NTM: variants seen among roughly 807,000 people sequenced by gnomAD.
NTM encodes IgLON family member 2.
Under a neutral mutation model 42.1 loss-of-function variants are expected in NTM, and 13 were observed. The ratio of observed to expected loss-of-function variants is 0.31; its 90% CI spans 0.20 to 0.49. The LOEUF is 0.49. NTM is among the 20% of genes least tolerant of loss of function. NTM has a pLI of 0.99. For missense variants in NTM, 373 were observed against 452.8 expected, an observed-to-expected ratio of 0.82 and a Z score of 1.60; for synonymous variants, 187 against 179.2, an observed-to-expected ratio of 1.04 and a Z score of -0.35.
chr11:131,602,279 A>T (rs895650860), intron 1 of NTM, among the ~76,000 whole-genome samples: 1 of 152,060 alleles, frequency 6.6e-6, no homozygotes, highest in Non-Finnish European at 1.5e-5. Flanking sequence ...CATTTTCTTG[A>T]TTCAACTATT....
chr11:131,702,564 G>A (rs1251974704), intron 1 of NTM, among the ~76,000 whole-genome samples: 1 of 152,166 alleles, frequency 6.6e-6, no homozygotes, highest in Non-Finnish European at 1.5e-5. Flanking sequence ...ATGGAGAGGT[G>A]CATCATGGGA....
chr11:132,329,499 C>T (rs756510482), intron 7 of NTM, among the ~76,000 whole-genome samples: 20 of 152,162 alleles, frequency 1.3e-4, no homozygotes, highest in Non-Finnish European at 2.1e-4. Context: ...GGGTCAGAGC[C>T]GCAGGCTGCC....
chr11:131,840,386 C>T (rs1181380149), intron 1 of NTM, among the ~76,000 whole-genome samples: 1 of 152,108 alleles, frequency 6.6e-6, no homozygotes, highest in African/African-American at 2.4e-5. Context: ...GAGGAAGGCA[C>T]ATCATGGAAG....
At chr11:132,118,395 A>C (rs2064207821) in intron 2 of NTM, among the ~76,000 whole-genome samples, 1 of 152,228 alleles carries the variant, frequency 6.6e-6, no homozygotes, top group African/African-American at 2.4e-5. Flanking sequence ...GGCTGAGAAA[A>C]AGCTGGGACT....
intron 2 of NTM, among the ~76,000 whole-genome samples, chr11:132,035,056 T>C (rs1488568537): frequency 2.0e-5 from 3 of 152,234 alleles, no homozygotes; most frequent in South Asian, 4.1e-4. Context: ...TAATCTGTTT[T>C]GCTGTTGTTT....
intron 4 of NTM, among the ~76,000 whole-genome samples, chr11:132,223,720 T>G (rs573251015): frequency 1.3e-5 from 2 of 152,336 alleles, no homozygotes; most frequent in East Asian, 3.9e-4. Flanking sequence ...AACATGAGTT[T>G]ATAGTTTGAG....
Position 131,674,265 on chromosome 11 carries a change from T to A in NTM, c.83-237299T>A, listed in dbSNP as rs188873498. Among the ~76,000 whole-genome samples the A allele has an allele frequency of 5.3e-3, 811 of 152,364 alleles. 8 individuals carry two copies. The highest frequency in any genetic ancestry group is 0.019 in the African/African-American group (777 of 41,584). The stretch of plus-strand genomic sequence containing the variant: ...CTGGAAAGAGCTCACTGAAAAGGAA[T>A]GCAGTTCATAAAAAGTCTTCCTTCT... On this transcript the variant is annotated intron_variant, in intron 1 of 8. Transcript: ENST00000683400.
intron 1 of NTM, among the ~76,000 whole-genome samples, chr11:131,641,980 CT>C (rs1236313805): frequency 6.6e-6 from 1 of 152,128 alleles, no homozygotes; most frequent in African/African-American, 2.4e-5. Flanking sequence ...CTGCCTTGGC[CT>C]CCCTAAGTGC....
intron 2 of NTM, among the ~76,000 whole-genome samples, chr11:132,030,778 C>T (rs1383337270): frequency 6.6e-6 from 1 of 152,156 alleles, no homozygotes; most frequent in African/African-American, 2.4e-5. Context: ...GGAGAAGAAG[C>T]AGGAGATGAG....
At chr11:131,396,445 G>T (rs116970210) in intron 1 of NTM, among the ~76,000 whole-genome samples, 1 of 152,006 alleles carries the variant, frequency 6.6e-6, no homozygotes, top group Non-Finnish European at 1.5e-5. Context: ...CACACCTCTC[G>T]GTCTGTTGCT....
intron 1 of NTM, among the ~76,000 whole-genome samples, chr11:131,508,456 C>T (rs1387924097): frequency 4.1e-5 from 6 of 145,980 alleles, no homozygotes; most frequent in Admixed American, 1.4e-4. Context: ...ACTAGTTCAA[C>T]CATTGTGGAA....
intron 1 of NTM, among the ~76,000 whole-genome samples, chr11:131,711,574 G>A (rs547594908): frequency 5.5e-4 from 84 of 152,228 alleles, no homozygotes; most frequent in South Asian, 3.3e-3. Context: ...TCAGTGTGGC[G>A]ATTCCTCAGG....
At chr11:131,863,843 C>T (rs1381611023) in intron 1 of NTM, among the ~76,000 whole-genome samples, 2 of 152,162 alleles carry the variant, frequency 1.3e-5, no homozygotes, top group Non-Finnish European at 2.9e-5. Context: ...CGCTTGTAGG[C>T]CTGGCAAAAT....
At chr11:132,102,865 T>C (rs1241067336) in intron 2 of NTM, among the ~76,000 whole-genome samples, 1 of 152,226 alleles carries the variant, frequency 6.6e-6, no homozygotes, top group Non-Finnish European at 1.5e-5. Flanking sequence ...TCCCTGTTCC[T>C]GGCACAGCAG....
intron 1 of NTM, among the ~76,000 whole-genome samples, chr11:131,626,037 C>A (rs967789622): frequency 6.6e-6 from 1 of 151,442 alleles, no homozygotes; most frequent in Non-Finnish European, 1.5e-5. Context: ...TTGTACAAGG[C>A]TTTTTTTTGT....
chr11:131,996,594 A>G (rs964216175), intron 2 of NTM, among the ~76,000 whole-genome samples: 2 of 151,866 alleles, frequency 1.3e-5, no homozygotes, highest in African/African-American at 4.8e-5. Context: ...TTTTATCTCC[A>G]CTTTACAGTT....
At chr11:131,933,132 G>C (rs2058819751) in intron 2 of NTM, among the ~76,000 whole-genome samples, 1 of 152,186 alleles carries the variant, frequency 6.6e-6, no homozygotes. Context: ...TGCCTGCTAT[G>C]AACACTCCTT....
intron 2 of NTM, among the ~76,000 whole-genome samples, chr11:131,938,983 C>T (rs762041653): frequency 6.6e-6 from 1 of 152,090 alleles, no homozygotes; most frequent in African/African-American, 2.4e-5. Context: ...GTTTGTTTAG[C>T]ATCAAGAAGA....
chr11:131,405,826 C>T (rs1945749896), intron 1 of NTM, among the ~76,000 whole-genome samples: 1 of 152,156 alleles, frequency 6.6e-6, no homozygotes, highest in South Asian at 2.1e-4. Context: ...TGAGTATGCT[C>T]CACTAACCCT....
Sources: allele counts gnomAD v4.1 joint callset (sites outside exome capture counted in the v4.1 genomes callset), GRCh38; gene constraint gnomAD v4.1.1; transcripts MANE v1.5; gene names NCBI Gene and HGNC (gene_info 2026-07-23, HGNC 2026-07-21).